IRAG2: variants seen among roughly 807,000 people sequenced by gnomAD.
IRAG2 encodes lymphoid restricted membrane protein.
A neutral mutation model predicts 69.9 loss-of-function variants in IRAG2; 45 were observed. That is an observed-to-expected ratio of 0.64 (90% CI 0.51 to 0.83). IRAG2 has a LOEUF of 0.83. IRAG2 is among the 40% of genes least tolerant of loss of function. The pLI is 0.00. For missense variants in IRAG2, 520 were observed against 587.0 expected (o/e 0.89, Z 1.18); for synonymous variants, 193 against 202.4 (o/e 0.95, Z 0.40).
At chr12:25,053,130 G>A (rs1944958340) in intron 1 of IRAG2, among the ~76,000 whole-genome samples, 174 bp downstream of exon 1, 1 of 152,034 alleles carries the variant, frequency 6.6e-6, no homozygotes, top group South Asian at 2.1e-4. Context: ...GAGTGGCTAG[G>A]TGCATGCATG....
chr12:25,051,433 C>T (rs1396675723), upstream of IRAG2, among the ~76,000 whole-genome samples: 1 of 152,164 alleles, frequency 6.6e-6, no homozygotes, highest in Non-Finnish European at 1.5e-5. Flanking sequence ...TTTGCAACTC[C>T]CGACATTTAT....
intron 10 of IRAG2, among the ~76,000 whole-genome samples, chr12:25,084,345 A>G (rs1448013334): frequency 6.6e-6 from 1 of 152,104 alleles, no homozygotes. Context: ...AGCAATGAGC[A>G]TGCCACTGCA....
intron 20 of IRAG2, 128 bp from the exon 21 acceptor site, chr12:25,106,815 C>G (rs948792465): frequency 1.6e-5 from 6 of 371,822 alleles, no homozygotes; most frequent in Non-Finnish European, 2.0e-5. Flanking sequence ...AGATATTTAT[C>G]GACTTTCCCT....
At chr12:25,083,098 C>A (rs1947334279) in intron 9 of IRAG2, among the ~76,000 whole-genome samples, 1 of 152,104 alleles carries the variant, frequency 6.6e-6, no homozygotes, top group Non-Finnish European at 1.5e-5. Context: ...GTTCATCCTT[C>A]CGCCCTCCAC....
intron 3 of IRAG2, among the ~76,000 whole-genome samples, chr12:25,063,448 A>C (rs899942775): frequency 1.3e-4 from 20 of 152,344 alleles, no homozygotes; most frequent in Middle Eastern, 3.4e-3. Context: ...TTTACATCAA[A>C]GTGTCAATTA....
chr12:25,071,375 T>A (rs1245374971), intron 6 of IRAG2, among the ~76,000 whole-genome samples: 2 of 152,032 alleles, frequency 1.3e-5, no homozygotes, highest in African/African-American at 4.8e-5. Flanking sequence ...AAATTGAAAA[T>A]TTTTAAAAAT....
upstream of IRAG2, among the ~76,000 whole-genome samples, chr12:25,002,647 T>C (rs200365910): frequency 1.6e-3 from 188 of 118,770 alleles, 3 homozygotes; most frequent in African/African-American, 5.0e-3. Flanking sequence ...TCTTCTTCTT[T>C]TCTTTTTTTT....
chr12:25,050,980 A>G (rs1944855553), upstream of IRAG2, among the ~76,000 whole-genome samples: 1 of 152,222 alleles, frequency 6.6e-6, no homozygotes, highest in Non-Finnish European at 1.5e-5. Context: ...GGGAGGGGAA[A>G]TGAGGAGTTG....
At chr12:25,014,860 T>TA (rs1944508215) in intron 3 of IRAG2, among the ~76,000 whole-genome samples, 2 of 151,922 alleles carry the variant, frequency 1.3e-5, no homozygotes, top group Admixed American at 6.6e-5. Flanking sequence ...CTCCTAATCA[T>TA]ACGCTGCCTG....
intron 19 of IRAG2, 76 bp from the exon 20 acceptor site, chr12:25,104,285 T>G: frequency 1.9e-6 from 2 of 1,037,710 alleles, no homozygotes; most frequent in Admixed American, 3.5e-5. Flanking sequence ...TGTATTTACT[T>G]AAGCAGTAGG....
At chr12:25,015,043 A>C (rs902777891) in intron 3 of IRAG2, 12 of 421,304 alleles carry the variant, frequency 2.8e-5, no homozygotes, top group African/African-American at 2.6e-4. Flanking sequence ...TATTTTTTTA[A>C]CTCAGAAGGA....
chr12:25,042,391 C>T (rs958273866), intron 16 of IRAG2, among the ~76,000 whole-genome samples: 3 of 152,126 alleles, frequency 2.0e-5, no homozygotes, highest in African/African-American at 7.2e-5. Context: ...TACCTCTTTA[C>T]ATGATGATAA....
intron 3 of IRAG2, among the ~76,000 whole-genome samples, chr12:25,013,539 T>C (rs1048243500): frequency 3.3e-5 from 5 of 152,016 alleles, no homozygotes; most frequent in African/African-American, 9.7e-5. Flanking sequence ...TTAAGAAAGA[T>C]AAGAAAGATA....
chr12:25,103,812 A>G, intron 17 of IRAG2, 25 bp from the exon 18 acceptor site: 1 of 1,546,808 alleles, frequency 6.5e-7, no homozygotes. Context: ...AGTTTTCTAA[A>G]TGTACATTTT....
At chr12:25,025,503 T>TAAAAC (rs1344642678) in intron 8 of IRAG2, among the ~76,000 whole-genome samples, 8 of 151,684 alleles carry the variant, frequency 5.3e-5, no homozygotes, top group Admixed American at 3.3e-4. Context: ...TGTCTTTTTT[T>TAAAAC]AAAACAAAAC....
chr12:25,090,624 T>C lies in IRAG2; in HGVS notation c.606+427T>C, dbSNP rs191272668. Among the ~76,000 whole-genome samples, 31 of 152,292 alleles carry C rather than the reference T, an allele frequency of 2.0e-4. No individual in the cohort carries two copies. In the East Asian group the frequency reaches 5.0e-3, roughly 25 times the overall value. ...CTTTCATAATTACATATGAAATTAC[T>C]TGTATGACCCAAACCAGTACCAGGT... is the stretch of plus-strand genomic sequence containing the variant. On this transcript the variant is annotated intron_variant, in intron 14 of 21. Transcript: ENST00000556887.
At chr12:25,094,744 A>G (rs1028237221) in intron 14 of IRAG2, among the ~76,000 whole-genome samples, 1 of 151,114 alleles carries the variant, frequency 6.6e-6, no homozygotes, top group African/African-American at 2.4e-5. Flanking sequence ...GTCTTCTTTA[A>G]TTTTTTTCAG....
At chr12:25,053,341 CAT>C (rs1160111960) in intron 1 of IRAG2, among the ~76,000 whole-genome samples, 1 of 151,386 alleles carries the variant, frequency 6.6e-6, no homozygotes, top group Non-Finnish European at 1.5e-5. Context: ...TTTTTCCTCT[CAT>C]ATGGTAGAAA....
intron 12 of IRAG2, among the ~76,000 whole-genome samples, chr12:25,033,456 T>C (rs1944683706): frequency 6.6e-6 from 1 of 152,236 alleles, no homozygotes; most frequent in African/African-American, 2.4e-5. Flanking sequence ...AGGAGATAAG[T>C]GCATTACCGA....
Sources: gnomAD v4.1 joint callset for allele counts (sites outside exome capture counted in the v4.1 genomes callset) on GRCh38, gnomAD v4.1.1 for gene constraint, MANE v1.5 for transcripts, NCBI Gene and HGNC (gene_info 2026-07-23, HGNC 2026-07-21) for gene names.